Variants in NAV1 observed in about 807,000 individuals in gnomAD.
NAV1 encodes the protein neuron navigator 1, also known as pore membrane and/or filament interacting like protein 3.
NAV1 carries 18 observed loss-of-function variants against 175.2 expected under a neutral mutation model. The observed-to-expected ratio is 0.10, with a 90% CI of 0.07 to 0.15. The LOEUF (loss-of-function observed/expected upper bound fraction) is 0.15, where lower values mean the gene tolerates loss of function less well. NAV1 is among the 10% of genes least tolerant of loss of function. The pLI, the probability that NAV1 is intolerant of heterozygous loss-of-function variation, is 1.00. For missense variants in NAV1, 1,731 were observed against 2,436.6 expected, an observed-to-expected ratio of 0.71 and a Z score of 6.10; for synonymous variants, 897 against 978.7, an observed-to-expected ratio of 0.92 and a Z score of 1.56.
At chr1:201,620,490 G>A (rs1215584807), upstream of NAV1, among the ~76,000 whole-genome samples, 2 of 117,082 alleles carry the variant, frequency 1.7e-5, no homozygotes, top group Admixed American at 1.1e-4. Context: ...ACAGAGTCTC[G>A]CTCTCTCGTT....
intron 3 of NAV1, among the ~76,000 whole-genome samples, chr1:201,773,427 A>T (rs1382716621): frequency 6.6e-6 from 1 of 152,230 alleles, no homozygotes; most frequent in African/African-American, 2.4e-5. Context: ...CTTTTGGGTG[A>T]TTAGGCTTCT....
chr1:201,620,453 C>CTTTTTTTT (rs71861939), upstream of NAV1, among the ~76,000 whole-genome samples: 46 of 94,532 alleles, frequency 4.9e-4, 2 homozygotes, highest in East Asian at 3.6e-3. Flanking sequence ...GACATATACT[C>CTTTTTTTT]TTTTTTTTTT....
chr1:201,557,139 G>A (rs538108424), intron 1 of NAV1, among the ~76,000 whole-genome samples: 14 of 152,094 alleles, frequency 9.2e-5, no homozygotes, highest in East Asian at 5.8e-4. Flanking sequence ...GCATTCCCAC[G>A]GCACCAACTG....
chr1:201,786,806 TCAGAGA>T (rs1676782871), intron 9 of NAV1, among the ~76,000 whole-genome samples: 2 of 152,148 alleles, frequency 1.3e-5, no homozygotes, highest in African/African-American at 4.8e-5. Context: ...CCTTTTAGCA[TCAGAGA>T]GCCTGAATGG....
chr1:201,546,350 C>A (rs1403297916), intron 1 of NAV1, among the ~76,000 whole-genome samples: 1 of 152,224 alleles, frequency 6.6e-6, no homozygotes, highest in Non-Finnish European at 1.5e-5. Flanking sequence ...CCCTACCTCA[C>A]TGGGTGAGTC....
chr1:201,741,856 T>G (rs1673443540), intron 3 of NAV1, among the ~76,000 whole-genome samples: 1 of 152,224 alleles, frequency 6.6e-6, no homozygotes, highest in African/African-American at 2.4e-5. Flanking sequence ...CTTAGTGCCC[T>G]ATCCTGGGGC....
intron 14 of NAV1, 166 bp from the exon 19 acceptor site, chr1:201,794,300 C>T (rs546985592): frequency 2.7e-5 from 18 of 657,676 alleles, no homozygotes; most frequent in South Asian, 1.6e-4. Context: ...TACAGGTGCC[C>T]GCCACCACGC....
chr1:201,741,320 G>T (rs1673408070), intron 3 of NAV1, among the ~76,000 whole-genome samples: 1 of 152,184 alleles, frequency 6.6e-6, no homozygotes, highest in Non-Finnish European at 1.5e-5. Flanking sequence ...ACAGAATGCA[G>T]CCCTGAAGCC....
intron 2 of NAV1, among the ~76,000 whole-genome samples, chr1:201,616,170 A>T (rs1329562253): frequency 6.6e-6 from 1 of 152,308 alleles, no homozygotes; most frequent in Non-Finnish European, 1.5e-5. Context: ...AGAGGAGAGA[A>T]CTCAGAGGTT....
At chr1:201,655,198 C>A (rs1669352101) in intron 1 of NAV1, among the ~76,000 whole-genome samples, 1 of 152,146 alleles carries the variant, frequency 6.6e-6, no homozygotes, top group South Asian at 2.1e-4. Context: ...TGGCTCCCTA[C>A]CGGGGACCCA....
At chr1:201,559,088 C>T (rs1002256398) in intron 1 of NAV1, among the ~76,000 whole-genome samples, 1 of 152,106 alleles carries the variant, frequency 6.6e-6, no homozygotes, top group African/African-American at 2.4e-5. Context: ...ATTGGATAAC[C>T]TTGTTCACAA....
intron 15 of NAV1, among the ~76,000 whole-genome samples, chr1:201,802,740 C>T (rs948394881): frequency 3.3e-5 from 5 of 151,758 alleles, no homozygotes; most frequent in South Asian, 2.1e-4. Flanking sequence ...GATCACACCA[C>T]TGCACTCCAG....
chr1:201,818,056 C>A (rs1007838715), intron 29 of NAV1, among the ~76,000 whole-genome samples: 1 of 151,910 alleles, frequency 6.6e-6, no homozygotes, highest in Non-Finnish European at 1.5e-5. Context: ...CATACTGAGA[C>A]CCCATCTCTA....
At chr1:201,803,508 C>G in intron 15 of NAV1, 85 bp from the exon 20 acceptor site, 1 of 1,468,338 alleles carries the variant, frequency 6.8e-7, no homozygotes, top group Non-Finnish European at 9.2e-7. Context: ...TCTCCTTTCT[C>G]TTATCTTCTG....
intron 2 of NAV1, among the ~76,000 whole-genome samples, chr1:201,715,060 C>G (rs239962): frequency 0.4 from 60,550 of 151,998 alleles, 13,356 homozygotes; most frequent in South Asian, 0.59. Context: ...GCTGGTTTTT[C>G]TGTTTACTGT....
chr1:201,620,518 G>A (rs1057389724), upstream of NAV1, among the ~76,000 whole-genome samples: 7 of 145,624 alleles, frequency 4.8e-5, no homozygotes, highest in South Asian at 2.2e-4. Flanking sequence ...GAGTGCAGTG[G>A]CGCAATCTCG....
intron 1 of NAV1, among the ~76,000 whole-genome samples, chr1:201,579,689 C>A (rs534077786): frequency 1.3e-5 from 2 of 152,084 alleles, no homozygotes; most frequent in Non-Finnish European, 2.9e-5. Flanking sequence ...CTTTCAGAGT[C>A]TTCTTATGTT....
chr1:201,687,783 G>A (rs1171520545), intron 1 of NAV1, among the ~76,000 whole-genome samples: 2 of 152,220 alleles, frequency 1.3e-5, no homozygotes, highest in Non-Finnish European at 2.9e-5. Context: ...CTTTCCTGAA[G>A]CCTGGCATTT....
intron 1 of NAV1, among the ~76,000 whole-genome samples, chr1:201,650,857 G>T (rs1449054107): frequency 6.6e-6 from 1 of 152,200 alleles, no homozygotes; most frequent in Non-Finnish European, 1.5e-5. Flanking sequence ...CCTCCTGAAG[G>T]TGGGGATGGC....
Sources: allele counts gnomAD v4.1 joint callset (sites outside exome capture counted in the v4.1 genomes callset), GRCh38; gene constraint gnomAD v4.1.1; transcripts MANE v1.5; gene names NCBI Gene and HGNC (gene_info 2026-07-23, HGNC 2026-07-21).